AHCYL2: variants seen among roughly 807,000 people sequenced by gnomAD.
AHCYL2 encodes adenosylhomocysteinase like 2.
AHCYL2 carries 28 observed loss-of-function variants against 81.4 expected under a neutral mutation model. The observed-to-expected ratio is 0.34, with a 90% CI of 0.25 to 0.47. The LOEUF (loss-of-function observed/expected upper bound fraction) is 0.47, where lower values mean the gene tolerates loss of function less well. Ranked by LOEUF, AHCYL2 falls within the 20% of genes least tolerant of loss-of-function variation. The pLI is 1.00. For synonymous variants in AHCYL2, 272 were observed against 290.2 expected, an observed-to-expected ratio of 0.94 and a Z score of 0.64; for missense variants, 551 against 785.1, an observed-to-expected ratio of 0.70 and a Z score of 3.56.
At chr7:129,269,871 A>AT (rs1415024079) in intron 1 of AHCYL2, among the ~76,000 whole-genome samples, 1 of 152,184 alleles carries the variant, frequency 6.6e-6, no homozygotes, top group African/African-American at 2.4e-5. Context: ...TTTGTAATGG[A>AT]TTTTTTATGG....
intron 2 of AHCYL2, among the ~76,000 whole-genome samples, chr7:129,385,242 C>T (rs1415879117): frequency 6.6e-6 from 1 of 152,214 alleles, no homozygotes; most frequent in Admixed American, 6.5e-5. Flanking sequence ...GAGTGTTACT[C>T]ATCAGTGAAG....
chr7:129,246,578 G>T (rs538757695), intron 1 of AHCYL2, among the ~76,000 whole-genome samples: 2 of 152,224 alleles, frequency 1.3e-5, no homozygotes, highest in African/African-American at 4.8e-5. Flanking sequence ...GCTCACTGTG[G>T]TCTTGATCTC....
chr7:129,263,259 C>T (rs1451166539), intron 1 of AHCYL2, among the ~76,000 whole-genome samples: 1 of 152,218 alleles, frequency 6.6e-6, no homozygotes, highest in Non-Finnish European at 1.5e-5. Flanking sequence ...ATATCTGAGA[C>T]ATTTTCTCTT....
At chr7:129,380,912 A>G (rs1420244413) in intron 2 of AHCYL2, among the ~76,000 whole-genome samples, 1 of 152,096 alleles carries the variant, frequency 6.6e-6, no homozygotes, top group Non-Finnish European at 1.5e-5. Flanking sequence ...GCCTAAATTT[A>G]AAATTATTTG....
At chr7:129,227,980 C>G (rs1401105132) in intron 1 of AHCYL2, among the ~76,000 whole-genome samples, 1 of 152,136 alleles carries the variant, frequency 6.6e-6, no homozygotes, top group Non-Finnish European at 1.5e-5. Flanking sequence ...AAAATAAGTG[C>G]CCAAGACTGC....
intron 1 of AHCYL2, among the ~76,000 whole-genome samples, chr7:129,340,282 T>TCAGCATGACAGC: frequency 6.7e-6 from 1 of 148,904 alleles, no homozygotes; most frequent in South Asian, 2.1e-4. Context: ...AAAATAGTTT[T>TCAGCATGACAGC]TCAGGCCGGG....
intron 2 of AHCYL2, among the ~76,000 whole-genome samples, chr7:129,385,934 A>G (rs1392575724): frequency 6.6e-6 from 1 of 152,178 alleles, no homozygotes; most frequent in African/African-American, 2.4e-5. Flanking sequence ...TGTCATCATG[A>G]GTTTGTTACT....
At chr7:129,242,936 A>G (rs1794915175) in intron 1 of AHCYL2, among the ~76,000 whole-genome samples, 1 of 149,444 alleles carries the variant, frequency 6.7e-6, no homozygotes, top group Admixed American at 6.7e-5. Context: ...TCTGTAGTTC[A>G]TTTGGATTTC....
Position 129,403,373 on chromosome 7 carries a change from T to C in AHCYL2, c.919-6T>C. 1 of 1,590,000 alleles carries C rather than the reference T, an allele frequency of 6.3e-7. No individual in the cohort carries two copies. The highest frequency in any genetic ancestry group is 8.6e-7 in the Non-Finnish European group (1 of 1,163,786). Reference sequence around the variant, plus strand: ...TGAATGATGTTATTGATGCTTACTATTGCAGATCTTGGATGATGGAGGGGA... The same window carrying C: ...TGAATGATGTTATTGATGCTTACTACTGCAGATCTTGGATGATGGAGGGGA... On this transcript the variant is annotated splice_polypyrimidine_tract_variant and splice_region_variant and intron_variant, in intron 6 of 16. Coordinates refer to ENST00000325006, the MANE Select transcript of AHCYL2 (RefSeq NM_015328.4).
intron 1 of AHCYL2, among the ~76,000 whole-genome samples, chr7:129,235,610 A>T (rs976828285): frequency 6.6e-6 from 1 of 150,916 alleles, no homozygotes; most frequent in African/African-American, 2.4e-5. Context: ...TTTTGTAGAG[A>T]TGGGGTTTCG....
At chr7:129,236,974 G>C (rs1794665138) in intron 1 of AHCYL2, among the ~76,000 whole-genome samples, 2 of 151,448 alleles carry the variant, frequency 1.3e-5, no homozygotes, top group South Asian at 4.2e-4. Flanking sequence ...CTTCGTATTG[G>C]ATTTTTTTTT....
At chr7:129,337,896 A>G (rs34134934) in intron 1 of AHCYL2, among the ~76,000 whole-genome samples, 3,755 of 151,900 alleles carry the variant, frequency 0.025, 75 homozygotes, top group Admixed American at 0.058. Flanking sequence ...GGCATGCGCC[A>G]CCATGCCTGG....
At chr7:129,353,550 A>G (rs1279504628) in intron 1 of AHCYL2, among the ~76,000 whole-genome samples, 1 of 151,424 alleles carries the variant, frequency 6.6e-6, no homozygotes, top group Non-Finnish European at 1.5e-5. Context: ...TAATTATTTC[A>G]TCTATCTATT....
intron 1 of AHCYL2, among the ~76,000 whole-genome samples, chr7:129,313,899 G>A (rs1192150496): frequency 6.6e-6 from 1 of 152,170 alleles, no homozygotes; most frequent in East Asian, 1.9e-4. Context: ...CCAATTAATG[G>A]CAGATTTGAT....
rs542732069 is a variant in AHCYL2, at chr7:129,373,037, A to G, written c.364-6601A>G. ...GTGTGGTCTTCAGACTGGTAGCATC[A>G]GCGTCTCCCGGGGAGTTACTCAAAA... On this transcript the variant is annotated intron_variant, in intron 1 of 16. Transcript: ENST00000325006. Among the ~76,000 whole-genome samples the G allele has an allele frequency of 9.7e-4, 147 of 152,302 alleles. 2 individuals carry two copies. In the South Asian group the frequency reaches 0.029, roughly 30 times the overall value.
intron 1 of AHCYL2, among the ~76,000 whole-genome samples, chr7:129,228,440 A>G (rs1270381120): frequency 1.3e-5 from 2 of 152,194 alleles, no homozygotes; most frequent in African/African-American, 4.8e-5. Context: ...GTAACTTGCG[A>G]TGCTCTGGGG....
intron 1 of AHCYL2, among the ~76,000 whole-genome samples, chr7:129,278,763 C>CTTTTTTTTT (rs36037913): frequency 9.0e-6 from 1 of 111,382 alleles, no homozygotes; most frequent in Non-Finnish European, 1.8e-5. Context: ...TATTGAAGCT[C>CTTTTTTTTT]TTTTTTTTTT....
chr7:129,390,401 A>ACTG (rs1269405537), intron 4 of AHCYL2, among the ~76,000 whole-genome samples: 5 of 152,230 alleles, frequency 3.3e-5, no homozygotes, highest in African/African-American at 1.2e-4. Context: ...GTGCTGGAAT[A>ACTG]AATCCCCTGA....
intron 1 of AHCYL2, among the ~76,000 whole-genome samples, chr7:129,297,080 C>G (rs1584755998): frequency 6.6e-6 from 1 of 152,290 alleles, no homozygotes. Flanking sequence ...TGTACACATG[C>G]ACACTGATCT....
Sources: gnomAD v4.1 joint callset for allele counts (sites outside exome capture counted in the v4.1 genomes callset) on GRCh38, gnomAD v4.1.1 for gene constraint, MANE v1.5 for transcripts, NCBI Gene and HGNC (gene_info 2026-07-23, HGNC 2026-07-21) for gene names.